The following MAPT variants were observed in gnomAD, a reference collection of about 807,000 sequenced individuals.
MAPT encodes the protein microtubule-associated protein tau.
In MAPT, 34 loss-of-function variants were observed where a neutral mutation model predicts 67.9. The ratio of observed to expected loss-of-function variants is 0.50; its 90% CI spans 0.38 to 0.67. MAPT has a LOEUF of 0.67. MAPT is among the 30% of genes least tolerant of loss of function. The pLI is 0.00. For synonymous variants in MAPT, 456 were observed against 464.5 expected, an observed-to-expected ratio of 0.98 and a Z score of 0.23; for missense variants, 881 against 1,115.2, an observed-to-expected ratio of 0.79 and a Z score of 2.99.
chr17:45,964,836 C>T (rs981730620), intron 2 of MAPT, among the ~76,000 whole-genome samples: 1 of 151,996 alleles, frequency 6.6e-6, no homozygotes, highest in Non-Finnish European at 1.5e-5. Flanking sequence ...GTTTCTCGTC[C>T]CTCCCTCCTC....
At chr17:45,979,467 G>A (rs1981998) in intron 4 of MAPT, 22,027 of 152,218 alleles carry the variant, frequency 0.14, 2,150 homozygotes, top group Non-Finnish European at 0.22. Flanking sequence ...ACTCTGCCTC[G>A]TTGAGGATAT....
intron 12 of MAPT, among the ~76,000 whole-genome samples, chr17:46,019,796 G>GAGGTCAGGAGTTCAAGACC (rs2076407288): frequency 6.6e-6 from 1 of 151,612 alleles, no homozygotes; most frequent in Non-Finnish European, 1.5e-5. Flanking sequence ...CAGATGGCTT[G>GAGGTCAGGAGTTCAAGACC]AGGTCAGGAG....
At chr17:45,939,542 T>C (rs900651056) in intron 1 of MAPT, among the ~76,000 whole-genome samples, 8 of 152,220 alleles carry the variant, frequency 5.3e-5, no homozygotes, top group South Asian at 2.1e-4. Flanking sequence ...AATCCATATT[T>C]CATGGCTCCC....
At chr17:46,015,608 G>A (rs1005169658) in intron 11 of MAPT, among the ~76,000 whole-genome samples, 4 of 152,132 alleles carry the variant, frequency 2.6e-5, no homozygotes, top group Non-Finnish European at 4.4e-5. Flanking sequence ...GCAGTGAGCC[G>A]AGATTGTGCC....
At chr17:46,001,135 G>A (rs2074965583) in intron 9 of MAPT, among the ~76,000 whole-genome samples, 1 of 152,058 alleles carries the variant, frequency 6.6e-6, no homozygotes, top group Non-Finnish European at 1.5e-5. Context: ...AGGCTGAGGT[G>A]GGAGGACTGC....
chr17:45,969,660 C>G (rs2071443339), intron 2 of MAPT, among the ~76,000 whole-genome samples: 1 of 139,680 alleles, frequency 7.2e-6, no homozygotes, highest in Admixed American at 7.3e-5. Flanking sequence ...ATCCATCCAT[C>G]CATTCATCCA....
chr17:45,959,544 A>G (rs906693663), intron 1 of MAPT, among the ~76,000 whole-genome samples: 1 of 152,144 alleles, frequency 6.6e-6, no homozygotes, highest in African/African-American at 2.4e-5. Flanking sequence ...ATGGTGGCTC[A>G]TGCCTGTAAT....
chr17:46,014,418 T>C, intron 11 of MAPT, 94 bp downstream of exon 11: 1 of 882,584 alleles, frequency 1.1e-6, no homozygotes. Flanking sequence ...CAGAAGGGGC[T>C]GGAAAGGATA....
intron 1 of MAPT, among the ~76,000 whole-genome samples, chr17:45,956,579 TA>T (rs1568230764): frequency 0.018 from 136 of 7,398 alleles, no homozygotes; most frequent in Admixed American, 0.026. Context: ...TATATATATA[TA>T]TATATATATA....
chr17:45,947,376 T>C (rs2068608875), intron 1 of MAPT, among the ~76,000 whole-genome samples: 1 of 149,510 alleles, frequency 6.7e-6, no homozygotes, highest in Non-Finnish European at 1.5e-5. Flanking sequence ...CTCATCTCTT[T>C]CTTTTTCTTT....
In MAPT at chr17:46,026,338, G is replaced by A. The variant is rs16940802; in HGVS notation, c.*2167G>A. ...TGAAGCACAGGATTAGGACTGAAGC[G>A]ATGATGTCCCCTTCCCTACTTCCCC... On this transcript the variant is annotated 3_prime_UTR_variant, in exon 13 of 13. Coordinates refer to ENST00000262410, the MANE Select transcript of MAPT (RefSeq NM_001377265.1). 2,344 of 152,752 alleles carry A rather than the reference G, an allele frequency of 0.015. 26 individuals carry two copies. The highest frequency in any genetic ancestry group is 0.027 in the Non-Finnish European group (1,832 of 68,082). 9.5% of individuals were successfully genotyped at this position (152,752 alleles called of 1,614,324 possible). A position where few individuals can be genotyped will look rare whatever the true frequency, so the allele number is the denominator to read the frequency against.
chr17:45,961,631 C>T (rs1297165146), intron 1 of MAPT, among the ~76,000 whole-genome samples: 1 of 152,180 alleles, frequency 6.6e-6, no homozygotes, highest in African/African-American at 2.4e-5. Context: ...CTGTCCCTCT[C>T]CTGTTCAGTC....
intron 1 of MAPT, among the ~76,000 whole-genome samples, chr17:45,909,078 G>T (rs753144405): frequency 4.6e-5 from 7 of 152,360 alleles, no homozygotes; most frequent in Non-Finnish European, 5.9e-5. Context: ...GAGCTGCAGA[G>T]TGCGGGCACC....
At chr17:46,002,579 G>A (rs943482479) in intron 9 of MAPT, among the ~76,000 whole-genome samples, 4 of 152,172 alleles carry the variant, frequency 2.6e-5, no homozygotes, top group Non-Finnish European at 5.9e-5. Context: ...GGATGTCCAG[G>A]CCAATAGTTG....
At chr17:45,990,206 T>A in intron 7 of MAPT, 131 bp downstream of exon 7, 1 of 832,736 alleles carries the variant, frequency 1.2e-6, no homozygotes. Flanking sequence ...CCGTGTAAAA[T>A]AGTTAGAATT....
At chr17:45,924,785 C>A (rs2066116313) in intron 1 of MAPT, among the ~76,000 whole-genome samples, 4 of 152,236 alleles carry the variant, frequency 2.6e-5, no homozygotes, top group African/African-American at 9.6e-5. Context: ...ACACTGCCCT[C>A]ATGTCTAGCT....
At chr17:45,966,386 G>A (rs568350769) in intron 2 of MAPT, among the ~76,000 whole-genome samples, 1 of 152,264 alleles carries the variant, frequency 6.6e-6, no homozygotes, top group African/African-American at 2.4e-5. Context: ...CCAGGAGTTT[G>A]AGACAAGCCT....
chr17:46,002,138 A>G (rs1307616069), intron 9 of MAPT, among the ~76,000 whole-genome samples: 1 of 152,318 alleles, frequency 6.6e-6, no homozygotes, highest in South Asian at 2.1e-4. Context: ...TCACACTGGC[A>G]GAAGAGAGGT....
intron 1 of MAPT, among the ~76,000 whole-genome samples, chr17:45,949,465 G>A (rs1164997130): frequency 3.3e-5 from 5 of 152,254 alleles, no homozygotes; most frequent in Admixed American, 6.5e-5. Context: ...CTGTTGGGAA[G>A]GCACCCGTTT....
Sources: allele counts gnomAD v4.1 joint callset (sites outside exome capture counted in the v4.1 genomes callset), GRCh38; gene constraint gnomAD v4.1.1; transcripts MANE v1.5; gene names NCBI Gene and HGNC (gene_info 2026-07-23, HGNC 2026-07-21).